The following WDR12 variants were observed in gnomAD, a reference collection of about 807,000 sequenced individuals.
WDR12 encodes WD repeat domain 12, also known as ribosome biogenesis protein WDR12.
WDR12 carries 42 observed loss-of-function variants against 64.3 expected under a neutral mutation model. The ratio of observed to expected loss-of-function variants is 0.65; its 90% confidence interval spans 0.51 to 0.84. The LOEUF (loss-of-function observed/expected upper bound fraction) is 0.84, where lower values mean the gene tolerates loss of function less well. WDR12 is among the 40% of genes least tolerant of loss of function. The pLI is 0.00. For missense variants in WDR12, 469 were observed against 494.6 expected, an observed-to-expected ratio of 0.95 and a Z score of 0.49; for synonymous variants, 158 against 173.3, an observed-to-expected ratio of 0.91 and a Z score of 0.70.
chr2:202,891,830 G>T (rs945330018), intron 8 of WDR12, among the ~76,000 whole-genome samples: 17 of 152,142 alleles, frequency 1.1e-4, no homozygotes, highest in African/African-American at 4.1e-4. Context: ...AAATATCTTT[G>T]TAACAGGATA....
intron 3 of WDR12, 35 bp downstream of exon 3, chr2:202,900,989 TC>T: frequency 6.6e-7 from 1 of 1,522,058 alleles, no homozygotes; most frequent in Non-Finnish European, 9.0e-7. Context: ...CGATAATGCC[TC>T]AAGTGAAATA....
intron 7 of WDR12, among the ~76,000 whole-genome samples, chr2:202,893,064 G>A (rs1430830173): frequency 6.6e-6 from 1 of 151,586 alleles, no homozygotes; most frequent in Non-Finnish European, 1.5e-5. Flanking sequence ...AAGGAGGGAA[G>A]GATAAAGTAA....
intron 11 of WDR12, chr2:202,883,326 G>C (rs2105902787): frequency 3.8e-6 from 1 of 266,242 alleles, no homozygotes; most frequent in East Asian, 8.3e-5. Flanking sequence ...ATTAGAGACA[G>C]AGTTTCACCA....
chr2:202,903,874 A>G (rs1356407151), intron 2 of WDR12, among the ~76,000 whole-genome samples: 2 of 152,182 alleles, frequency 1.3e-5, no homozygotes, highest in Non-Finnish European at 2.9e-5. Flanking sequence ...GCAGTGGCTC[A>G]TGCCTGTAAT....
chr2:202,882,359 G>A (rs1687964653), intron 12 of WDR12, among the ~76,000 whole-genome samples: 1 of 150,282 alleles, frequency 6.7e-6, no homozygotes, highest in Admixed American at 6.6e-5. Context: ...TCTTGAGATG[G>A]AGTCTATCTC....
At chr2:202,910,699 G>T (rs1341712086) in intron 1 of WDR12, among the ~76,000 whole-genome samples, 2 of 152,186 alleles carry the variant, frequency 1.3e-5, no homozygotes, top group Non-Finnish European at 2.9e-5. Context: ...ATACTCAGGT[G>T]CATTGATAAT....
intron 8 of WDR12, 41 bp downstream of exon 8, chr2:202,892,576 C>A: frequency 7.0e-7 from 1 of 1,422,012 alleles, no homozygotes; most frequent in Non-Finnish European, 9.8e-7. Flanking sequence ...TTTGTCAACA[C>A]AGGCCTAAGG....
chr2:202,886,765 C>G (rs1688055691), intron 8 of WDR12, among the ~76,000 whole-genome samples: 2 of 92,766 alleles, frequency 2.2e-5, no homozygotes, highest in South Asian at 7.2e-4. Context: ...GAAACTCCAT[C>G]TCAAAAAAAA....
intron 1 of WDR12, among the ~76,000 whole-genome samples, chr2:202,910,205 C>T (rs750888303): frequency 6.6e-6 from 1 of 152,108 alleles, no homozygotes; most frequent in Non-Finnish European, 1.5e-5. Flanking sequence ...GGCCTATTAT[C>T]TCTTACAACT....
At chr2:202,896,548 G>A (rs927585728) in intron 5 of WDR12, among the ~76,000 whole-genome samples, 13 of 151,998 alleles carry the variant, frequency 8.6e-5, no homozygotes, top group African/African-American at 2.7e-4. Flanking sequence ...AAAATTAGCC[G>A]GGTGTGGTGG....
chr2:202,907,825 A>C (rs376652752), intron 2 of WDR12, 40 bp downstream of exon 2: 19 of 1,503,148 alleles, frequency 1.3e-5, no homozygotes, highest in Non-Finnish European at 1.8e-5. Flanking sequence ...TTTTAGAATA[A>C]TTAGGGACAC....
chr2:202,899,328 G>A (rs1688308438), intron 4 of WDR12, among the ~76,000 whole-genome samples: 1 of 152,086 alleles, frequency 6.6e-6, no homozygotes, highest in African/African-American at 2.4e-5. Context: ...ACAGGCATGA[G>A]CCACTGCACC....
intron 2 of WDR12, 103 bp from the exon 3 acceptor site, chr2:202,901,222 G>A (rs1049089277): frequency 3.0e-5 from 19 of 642,104 alleles, no homozygotes; most frequent in Admixed American, 2.1e-4. Context: ...TTATCCCAGT[G>A]TGGCCTGAGT....
chr2:202,883,713 C>T lies in WDR12; in HGVS notation c.1017G>A (p.Thr339=), dbSNP rs200085067. The T allele has an allele frequency of 8.6e-4, 1,383 of 1,613,894 alleles. 2 individuals are homozygous for T. The highest frequency in any genetic ancestry group is 1.1e-3 in the Non-Finnish European group (1,320 of 1,179,964). ...KDGSLVSLSL[T]SHTGWVTSVK... ...CTGATGTCACCCAACCAGTATGTGA[C>T]GTTAGGGACAGCGACACCAAAGAAC... Residue 339 remains threonine (T), a synonymous_variant, in exon 11 of 13, where the codon ACG becomes ACA. Coordinates refer to ENST00000261015, the MANE Select transcript of WDR12 (RefSeq NM_018256.4).
At chr2:202,897,866 G>A (rs1441022490) in intron 4 of WDR12, among the ~76,000 whole-genome samples, 2 of 124,394 alleles carry the variant, frequency 1.6e-5, no homozygotes, top group Non-Finnish European at 3.3e-5. Flanking sequence ...ACCAGCCTGG[G>A]TGACAGAGCG....
chr2:202,901,022 T>G lies in WDR12; in HGVS notation c.231+3A>C. 6.3e-7 allele frequency: 1 copy of G among 1,579,238 alleles called. No individual in the cohort carries two copies. Among genetic ancestry groups the G allele is most frequent in the Non-Finnish European group, 8.6e-7 (1 of 1,156,514 alleles). ...AATACAGAAGATAAGAATTTGAACT[T>G]ACTGATGAGATGTTCTCCATTTCCA... On this transcript the variant is annotated splice_donor_region_variant and intron_variant, in intron 3 of 12. Coordinates refer to ENST00000261015, the MANE Select transcript of WDR12 (RefSeq NM_018256.4).
chr2:202,891,016 A>AAG (rs1559160184), intron 8 of WDR12, among the ~76,000 whole-genome samples: 1 of 150,564 alleles, frequency 6.6e-6, no homozygotes, highest in African/African-American at 2.4e-5. Context: ...AAAAAAAAAA[A>AAG]AGAGAATAAA....
At chr2:202,890,180 G>GATCA (rs1459777273) in intron 8 of WDR12, among the ~76,000 whole-genome samples, 3 of 152,138 alleles carry the variant, frequency 2.0e-5, no homozygotes, top group Non-Finnish European at 4.4e-5. Context: ...AGTGAGCCAT[G>GATCA]ATCAGGCCAC....
intron 7 of WDR12, among the ~76,000 whole-genome samples, chr2:202,893,480 C>T (rs1308661817): frequency 2.0e-5 from 3 of 152,008 alleles, no homozygotes; most frequent in Admixed American, 1.3e-4. Context: ...TCACTTTTTG[C>T]CACCAAATTA....
Sources: allele counts gnomAD v4.1 joint callset (sites outside exome capture counted in the v4.1 genomes callset), GRCh38; gene constraint gnomAD v4.1.1; transcripts MANE v1.5; gene names NCBI Gene and HGNC (gene_info 2026-07-23, HGNC 2026-07-21).